Variants in TBC1D5 observed in about 807,000 individuals in gnomAD.
The protein encoded by TBC1D5 is TBC1 domain family member 5.
TBC1D5 carries 75 observed loss-of-function variants against 100.3 expected under a neutral mutation model. The ratio of observed to expected loss-of-function variants is 0.75; its 90% CI spans 0.62 to 0.91. The LOEUF is 0.91. Among genes scored for constraint, TBC1D5 ranks in the 40% least tolerant of loss-of-function variants. The pLI is 0.00. For synonymous variants in TBC1D5, 323 were observed against 325.6 expected (o/e 0.99, Z 0.09); for missense variants, 910 against 942.4 (o/e 0.97, Z 0.45).
intron 13 of TBC1D5, among the ~76,000 whole-genome samples, chr3:17,331,907 A>G (rs902361910): frequency 6.6e-6 from 1 of 152,198 alleles, no homozygotes; most frequent in African/African-American, 2.4e-5. Context: ...TTGGAAAATG[A>G]GGTTGGAGAG....
chr3:17,716,125 T>A (rs1015646215), intron 1 of TBC1D5, among the ~76,000 whole-genome samples: 6 of 152,100 alleles, frequency 3.9e-5, no homozygotes, highest in Non-Finnish European at 7.4e-5. Context: ...GGTCCTTAGA[T>A]GAAATGAACA....
chr3:17,466,797 GTTTTAT>G (rs2095308367), intron 3 of TBC1D5, among the ~76,000 whole-genome samples: 1 of 150,622 alleles, frequency 6.6e-6, no homozygotes, highest in Admixed American at 6.6e-5. Context: ...TCTTTAGATT[GTTTTAT>G]TTTTATCAAA....
chr3:17,360,402 A>G (rs1394766478), intron 13 of TBC1D5, among the ~76,000 whole-genome samples: 1 of 151,980 alleles, frequency 6.6e-6, no homozygotes, highest in Non-Finnish European at 1.5e-5. Context: ...TAAGACCGGG[A>G]TTGGCAAAGG....
chr3:17,206,116 T>C (rs993590175), intron 18 of TBC1D5, among the ~76,000 whole-genome samples: 3 of 152,140 alleles, frequency 2.0e-5, no homozygotes, highest in Non-Finnish European at 2.9e-5. Context: ...CTACCTGTCC[T>C]AGGAAGCTAT....
At chr3:17,644,376 T>C (rs760817427) in intron 1 of TBC1D5, among the ~76,000 whole-genome samples, 11 of 152,146 alleles carry the variant, frequency 7.2e-5, no homozygotes, top group Non-Finnish European at 1.6e-4. Flanking sequence ...CACGGAATTA[T>C]TTTAATAGGC....
chr3:17,300,368 T>C (rs1169234296), intron 14 of TBC1D5, among the ~76,000 whole-genome samples: 1 of 152,118 alleles, frequency 6.6e-6, no homozygotes, highest in African/African-American at 2.4e-5. Flanking sequence ...AAAAGACAAA[T>C]AAATACAATT....
In TBC1D5 at chr3:17,233,715, C is replaced by T. The variant is rs1163205743; in HGVS notation, c.1588+4448G>A. 2 of 1,545,846 alleles carry T rather than the reference C, an allele frequency of 1.3e-6. No individual in the cohort carries two copies. Among genetic ancestry groups the T allele is most frequent in the Admixed American group, 4.0e-5 (2 of 49,806 alleles). ...AGGTCAGTTAGAGTCTGGACAGGAA[C>T]AGAAACCTGAGCATCGCTTCCTGTA... On this transcript the variant is annotated intron_variant, in intron 17 of 21. Coordinates refer to ENST00000253692, the Ensembl canonical transcript of TBC1D5.
At chr3:17,662,637 A>G (rs2066776195) in intron 1 of TBC1D5, among the ~76,000 whole-genome samples, 1 of 152,200 alleles carries the variant, frequency 6.6e-6, no homozygotes, top group East Asian at 1.9e-4. Context: ...ATGCCTTTAG[A>G]TAGAACCCAA....
intron 8 of TBC1D5, among the ~76,000 whole-genome samples, chr3:17,401,374 CATATGTATATGT>C (rs68135264): frequency 4.3e-4 from 62 of 143,006 alleles, no homozygotes; most frequent in South Asian, 2.2e-3. Context: ...GTATAATATA[CATATGTATATGT>C]ATATGTATAT....
intron 2 of TBC1D5, among the ~76,000 whole-genome samples, chr3:17,542,425 C>T (rs2096368000): frequency 6.6e-6 from 1 of 152,144 alleles, no homozygotes; most frequent in Non-Finnish European, 1.5e-5. Flanking sequence ...GCTATGTTGT[C>T]CAGGCTGGTC....
chr3:17,530,949 C>T (rs1337733601), intron 2 of TBC1D5, among the ~76,000 whole-genome samples: 1 of 152,196 alleles, frequency 6.6e-6, no homozygotes, highest in Non-Finnish European at 1.5e-5. Flanking sequence ...TCTCTCACCA[C>T]TCTTATTCAA....
At chr3:17,401,659 G>T (rs900065463) in intron 8 of TBC1D5, among the ~76,000 whole-genome samples, 1 of 151,926 alleles carries the variant, frequency 6.6e-6, no homozygotes, top group Non-Finnish European at 1.5e-5. Context: ...CAGCGCTGTG[G>T]CCCCTTCATT....
intron 2 of TBC1D5, among the ~76,000 whole-genome samples, chr3:17,534,219 T>C (rs1052210652): frequency 6.6e-6 from 1 of 152,158 alleles, no homozygotes; most frequent in Admixed American, 6.5e-5. Flanking sequence ...TGCAGAAGCA[T>C]TGTTTCTAAC....
At chr3:17,239,809 G>C (rs998028980) in intron 16 of TBC1D5, among the ~76,000 whole-genome samples, 2 of 152,252 alleles carry the variant, frequency 1.3e-5, no homozygotes, top group Middle Eastern at 6.8e-3. Context: ...GTATCTCAGG[G>C]CTATTATCTT....
intron 15 of TBC1D5, among the ~76,000 whole-genome samples, chr3:17,290,576 TAA>T (rs1432469051): frequency 6.6e-6 from 1 of 152,210 alleles, no homozygotes; most frequent in African/African-American, 2.4e-5. Context: ...GAATTTGCCC[TAA>T]GTCTGTAGAT....
At chr3:17,564,028 C>T (rs540699413) in intron 2 of TBC1D5, among the ~76,000 whole-genome samples, 40 of 152,282 alleles carry the variant, frequency 2.6e-4, no homozygotes, top group Admixed American at 9.8e-4. Flanking sequence ...GTGATCCGCC[C>T]GCCTTGGCCT....
intron 2 of TBC1D5, among the ~76,000 whole-genome samples, chr3:17,534,966 T>C (rs546602142): frequency 1.3e-5 from 2 of 152,314 alleles, no homozygotes; most frequent in African/African-American, 4.8e-5. Context: ...AAGAAGACTA[T>C]TTCTATTTTT....
chr3:17,547,041 G>A (rs2096423691), intron 2 of TBC1D5: 1 of 152,116 alleles, frequency 6.6e-6, no homozygotes, highest in South Asian at 2.1e-4. Context: ...GTTCCAATCA[G>A]TAGCAGATCT....
At chr3:17,406,946 C>A (rs983251498) in intron 4 of TBC1D5, among the ~76,000 whole-genome samples, 9 of 151,968 alleles carry the variant, frequency 5.9e-5, no homozygotes, top group Non-Finnish European at 1.2e-4. Context: ...TTTAAATGAT[C>A]CGATTTCTCT....
Sources: allele counts gnomAD v4.1 joint callset (sites outside exome capture counted in the v4.1 genomes callset), GRCh38; gene constraint gnomAD v4.1.1; transcripts MANE v1.5; gene names NCBI Gene and HGNC (gene_info 2026-07-23, HGNC 2026-07-21).